Variants in ANKFY1 observed in about 807,000 individuals in gnomAD.
ANKFY1 encodes ankyrin repeat and FYVE domain-containing protein 1.
A neutral mutation model predicts 128.3 loss-of-function variants in ANKFY1; 47 were observed. That is an observed-to-expected ratio of 0.37 (90% confidence interval 0.29 to 0.47). The LOEUF is 0.47. Ranked by LOEUF, ANKFY1 falls within the 20% of genes least tolerant of loss-of-function variation. The pLI is 1.00. For missense variants in ANKFY1, 1,222 were observed against 1,510.6 expected (o/e 0.81, Z 3.17); for synonymous variants, 553 against 601.6 (o/e 0.92, Z 1.18).
chr17:4,200,462 CAAGTTA>C (rs1383866541), intron 7 of ANKFY1, among the ~76,000 whole-genome samples: 1 of 152,192 alleles, frequency 6.6e-6, no homozygotes, highest in Non-Finnish European at 1.5e-5. Context: ...TGGGTGATAG[CAAGTTA>C]ACCCAAGAGC....
chr17:4,248,092 CCTCT>C (rs891573401), intron 1 of ANKFY1, among the ~76,000 whole-genome samples: 5 of 152,162 alleles, frequency 3.3e-5, no homozygotes, highest in African/African-American at 1.2e-4. Flanking sequence ...TTACTTACTT[CCTCT>C]CTGTGCTTCA....
chr17:4,241,991 A>G (rs1463938916), intron 2 of ANKFY1, among the ~76,000 whole-genome samples: 2 of 151,398 alleles, frequency 1.3e-5, no homozygotes, highest in African/African-American at 4.9e-5. Context: ...CGGGAGGCTG[A>G]GGCAAGAGAA....
At chr17:4,234,016 T>G (rs2060560123) in intron 3 of ANKFY1, among the ~76,000 whole-genome samples, 1 of 152,230 alleles carries the variant, frequency 6.6e-6, no homozygotes, top group Admixed American at 6.5e-5. Flanking sequence ...TTACTGAACT[T>G]TTCTATGTTT....
chr17:4,206,193 A>G lies in ANKFY1; in HGVS notation c.898+128T>C, dbSNP rs541964615. The G allele has an allele frequency of 6.0e-6, 6 of 1,005,516 alleles. No individual in the cohort carries two copies. In the East Asian group the frequency reaches 1.2e-4, roughly 20 times the overall value. 62.3% of individuals were successfully genotyped at this position (1,005,516 alleles called of 1,614,324 possible). The stretch of plus-strand genomic sequence containing the variant: ...CTCTGACCCAATGATCAAATTCTAG[A>G]TCATGTAGCCTGTGAGTACAGACTA... On this transcript the variant is annotated intron_variant, in intron 7 of 24. Coordinates refer to ENST00000341657, the MANE Select transcript of ANKFY1 (RefSeq NM_001330063.2).
intron 1 of ANKFY1, among the ~76,000 whole-genome samples, chr17:4,242,984 A>G (rs572727161): frequency 1.4e-4 from 21 of 152,232 alleles, no homozygotes; most frequent in Non-Finnish European, 2.8e-4. Context: ...AACAGTAACA[A>G]CAATTTCCTA....
intron 1 of ANKFY1, chr17:4,263,534 C>G: frequency 6.6e-7 from 1 of 1,517,348 alleles, no homozygotes; most frequent in Non-Finnish European, 8.8e-7. Context: ...GAGGGATGGA[C>G]CCCTTCCGGA....
intron 1 of ANKFY1, among the ~76,000 whole-genome samples, chr17:4,247,667 T>G (rs1450803457): frequency 6.6e-6 from 1 of 152,166 alleles, no homozygotes; most frequent in Non-Finnish European, 1.5e-5. Flanking sequence ...CCTTGAAGTG[T>G]CACCAAGCTG....
chr17:4,176,694 C>T (rs1052732958), intron 19 of ANKFY1, among the ~76,000 whole-genome samples: 3 of 152,284 alleles, frequency 2.0e-5, no homozygotes, highest in South Asian at 2.1e-4. Flanking sequence ...TCCAGCACTA[C>T]TTGCTTAGAT....
At chr17:4,222,434 T>A in intron 3 of ANKFY1, 1 of 804,282 alleles carries the variant, frequency 1.2e-6, no homozygotes, top group Non-Finnish European at 2.3e-6. Context: ...AAGTCCAAGG[T>A]TGAATGTAAG....
intron 3 of ANKFY1, among the ~76,000 whole-genome samples, chr17:4,229,245 A>G (rs746938709): frequency 7.2e-5 from 11 of 152,206 alleles, no homozygotes; most frequent in South Asian, 2.1e-4. Context: ...CCAACGTGGC[A>G]AAACCCCATC....
chr17:4,207,459 A>C (rs1171417509), intron 6 of ANKFY1, among the ~76,000 whole-genome samples: 1 of 152,198 alleles, frequency 6.6e-6, no homozygotes, highest in African/African-American at 2.4e-5. Flanking sequence ...GAATTCTGCC[A>C]AAGATCCAAA....
In ANKFY1 at chr17:4,173,436, G is replaced by A. The variant is rs1171776624; in HGVS notation, c.2932C>T (p.Leu978Phe). 6.2e-7 allele frequency: 1 copy of A among 1,614,142 alleles called. No individual in the cohort carries two copies. Among genetic ancestry groups the A allele is most frequent in the Non-Finnish European group, 8.5e-7 (1 of 1,179,952 alleles). The change falls in exon 21 of 25, where the codon CTT (leucine) becomes TTT (phenylalanine). Residue 978 changes from leucine to phenylalanine, a missense_variant. Coordinates refer to ENST00000341657, the MANE Select transcript of ANKFY1 (RefSeq NM_001330063.2). ...VDENGNNALH[L>F]AVMHGRLNNI... ...TTGAGCCGGCCGTGCATGACAGCAA[G>A]ATGAAGAGCTGGGAAGTAAATCCTC...
Position 4,222,715 on chromosome 17 carries a change from A to G in ANKFY1, c.323-5597T>C, listed in dbSNP as rs76219602. ...ACCACTTCTACGCGTGTTTTATATT[A>G]GGGTAGGGTTTCTTGTGCAGTAATA... On this transcript the variant is annotated intron_variant, in intron 3 of 24. Coordinates refer to ENST00000341657, the MANE Select transcript of ANKFY1 (RefSeq NM_001330063.2). 1,192 of 883,590 alleles carry G rather than the reference A, an allele frequency of 1.3e-3. 7 individuals carry two copies. The African/African-American group carries it at 0.017, about 13-fold the overall frequency. 54.7% of individuals were successfully genotyped at this position (883,590 alleles called of 1,614,324 possible).
At chr17:4,246,974 G>T (rs965391011) in intron 1 of ANKFY1, among the ~76,000 whole-genome samples, 1 of 152,044 alleles carries the variant, frequency 6.6e-6, no homozygotes, top group Non-Finnish European at 1.5e-5. Context: ...TGAGCCAGGG[G>T]TGGTAGTGGG....
At chr17:4,203,246 T>G (rs1389883627) in intron 7 of ANKFY1, among the ~76,000 whole-genome samples, 6 of 152,174 alleles carry the variant, frequency 3.9e-5, no homozygotes, top group Admixed American at 3.9e-4. Context: ...AAGCTGGTGC[T>G]TAAAAGTTTC....
chr17:4,170,017 G>A (rs1189625205), intron 23 of ANKFY1, among the ~76,000 whole-genome samples: 1 of 152,200 alleles, frequency 6.6e-6, no homozygotes, highest in Admixed American at 6.5e-5. Context: ...ATGGGCACCG[G>A]TGCTGAGCTT....
rs1001875053 is a variant in ANKFY1, at chr17:4,181,455, C to T, written c.2122-83G>A. 3 of 868,240 alleles carry T rather than the reference C, an allele frequency of 3.5e-6. No homozygotes were observed. Among genetic ancestry groups the T allele is most frequent in the Non-Finnish European group, 1.9e-6 (1 of 518,078 alleles). 53.8% of individuals were successfully genotyped at this position (868,240 alleles called of 1,614,324 possible). ...TACCAAGTCTGAGCTCTATGTATAGCATTAAATCCACTTTCAGATAAGATA... is the reference window on the plus strand; with the variant it reads ...TACCAAGTCTGAGCTCTATGTATAGTATTAAATCCACTTTCAGATAAGATA... On this transcript the variant is annotated intron_variant, in intron 15 of 24. Transcript: ENST00000341657. The surrounding 1 kb of genome is among the most constrained non-coding windows in gnomAD (Gnocchi z 4.9).
At chr17:4,246,007 G>C (rs981903664) in intron 1 of ANKFY1, among the ~76,000 whole-genome samples, 2 of 152,174 alleles carry the variant, frequency 1.3e-5, no homozygotes, top group Non-Finnish European at 2.9e-5. Flanking sequence ...TCGTGCCACT[G>C]CACTCCAGCC....
rs577162766 is a variant in ANKFY1 at position 4,260,398 on chromosome 17, C to T, written c.10+3534G>A. The stretch of plus-strand genomic sequence containing the variant: ...TCAGGAGGCCCAGGCAGGTGAATGG[C>T]TTGAGCCCAGGAGTTCAAGACCAGC... On this transcript the variant is annotated intron_variant, in intron 1 of 24. Transcript: ENST00000341657. 2.0e-5 allele frequency among the ~76,000 whole-genome samples: 3 copies of T among 152,210 alleles called. No individual in the cohort carries two copies. The East Asian group carries it at 5.8e-4, about 29-fold the overall frequency.
Sources: gnomAD v4.1 joint callset for allele counts (sites outside exome capture counted in the v4.1 genomes callset) on GRCh38, gnomAD v4.1.1 for gene constraint, Gnocchi (gnomAD v3.1) non-coding constraint, MANE v1.5 for transcripts, NCBI Gene and HGNC (gene_info 2026-07-23, HGNC 2026-07-21) for gene names.